RIC8B: variants seen among roughly 807,000 people sequenced by gnomAD.
RIC8B encodes the protein chaperone Ric-8B.
A neutral mutation model predicts 57.5 loss-of-function variants in RIC8B; 16 were observed. The ratio of observed to expected loss-of-function variants is 0.28; its 90% CI spans 0.19 to 0.42. The LOEUF is 0.42. Ranked by LOEUF, RIC8B falls within the 10% of genes least tolerant of loss-of-function variation. RIC8B has a pLI of 1.00. For missense variants in RIC8B, 481 were observed against 677.0 expected, an observed-to-expected ratio of 0.71 and a Z score of 3.21; for synonymous variants, 216 against 250.8, an observed-to-expected ratio of 0.86 and a Z score of 1.31.
intron 5 of RIC8B, among the ~76,000 whole-genome samples, chr12:106,843,540 G>C (rs759372077): frequency 6.6e-5 from 10 of 151,962 alleles, no homozygotes; most frequent in Admixed American, 2.0e-4. Context: ...GGCTAACATG[G>C]TGAAACCCCA....
At chr12:106,874,390 C>A in intron 9 of RIC8B, 1 of 969,638 alleles carries the variant, frequency 1.0e-6, no homozygotes, top group Non-Finnish European at 1.6e-6. Flanking sequence ...TTCTCCTGCA[C>A]CTGAATTGAA....
intron 3 of RIC8B, chr12:106,822,996 A>G: frequency 6.5e-6 from 1 of 153,642 alleles, no homozygotes; most frequent in South Asian, 2.0e-4. Context: ...GGGATTCTTA[A>G]TCTTGGCATT....
At chr12:106,782,933 A>G (rs1174268879) in intron 1 of RIC8B, among the ~76,000 whole-genome samples, 1 of 152,192 alleles carries the variant, frequency 6.6e-6, no homozygotes, top group Non-Finnish European at 1.5e-5. Context: ...TTTGTTTTTT[A>G]ATAGAAAGGC....
chr12:106,848,204 G>T (rs1949294671), intron 6 of RIC8B, among the ~76,000 whole-genome samples: 1 of 152,186 alleles, frequency 6.6e-6, no homozygotes, highest in Non-Finnish European at 1.5e-5. Context: ...AGAAGGAGAA[G>T]CAAATTCAAA....
At chr12:106,843,259 C>T (rs1949034526) in intron 5 of RIC8B, among the ~76,000 whole-genome samples, 1 of 152,124 alleles carries the variant, frequency 6.6e-6, no homozygotes, top group Non-Finnish European at 1.5e-5. Context: ...TGGTCTATCA[C>T]TCACTTTGTC....
intron 4 of RIC8B, among the ~76,000 whole-genome samples, chr12:106,826,710 G>T (rs542322601): frequency 2.6e-5 from 4 of 152,174 alleles, no homozygotes; most frequent in Admixed American, 6.5e-5. Flanking sequence ...AGCCAAGGTC[G>T]CACCGTTGCA....
At chr12:106,880,429 G>C (rs577754026) in intron 9 of RIC8B, among the ~76,000 whole-genome samples, 1 of 152,008 alleles carries the variant, frequency 6.6e-6, no homozygotes, top group Admixed American at 6.6e-5. Flanking sequence ...GGATCATCTT[G>C]TCCAACCACT....
chr12:106,786,981 A>G (rs1440860948), intron 2 of RIC8B, among the ~76,000 whole-genome samples: 1 of 152,234 alleles, frequency 6.6e-6, no homozygotes, highest in African/African-American at 2.4e-5. Flanking sequence ...AAATACAAGC[A>G]TATTAAGACA....
chr12:106,815,329 T>C (rs1397247825), intron 3 of RIC8B, 25 bp downstream of exon 3: 2 of 1,565,930 alleles, frequency 1.3e-6, no homozygotes, highest in South Asian at 2.4e-5. Context: ...GCTATTTTTG[T>C]CTACCTGGAA....
At chr12:106,824,989 G>A (rs924897519) in intron 3 of RIC8B, among the ~76,000 whole-genome samples, 4 of 152,074 alleles carry the variant, frequency 2.6e-5, no homozygotes, top group Non-Finnish European at 5.9e-5. Context: ...GCATATCCAG[G>A]CTCTCTATCA....
In RIC8B at chr12:106,774,750, A is replaced by T. The variant is rs2043356114; in HGVS notation, c.5A>T (p.Asp2Val). Reference sequence around the variant, plus strand: ...GGCTCCCCCGCACCTGCGGCCATGGATGAGGAGCGCGCCCTCTACATCGTC... The same window carrying T: ...GGCTCCCCCGCACCTGCGGCCATGGTTGAGGAGCGCGCCCTCTACATCGTC... M[D>V]EERALYIVRA... Residue 2 changes from aspartate (D) to valine (V), a missense_variant, in exon 1 of 10, where the codon GAT becomes GTT. Coordinates refer to ENST00000392837, the MANE Select transcript of RIC8B (RefSeq NM_001330145.2). 1.3e-5 allele frequency: 20 copies of T among 1,550,092 alleles called. No individual in the cohort carries two copies. The highest frequency in any genetic ancestry group is 1.7e-5 in the Non-Finnish European group (19 of 1,146,224).
Position 106,774,992 on chromosome 12 carries a change from C to A in RIC8B, c.84+163C>A, listed in dbSNP as rs1002636057. The A allele has an allele frequency of 1.5e-5, 9 of 601,738 alleles. No individual in the cohort carries two copies. The African/African-American group carries it at 1.7e-4, about 11-fold the overall frequency. 37.3% of individuals were successfully genotyped at this position (601,738 alleles called of 1,614,324 possible). The stretch of plus-strand genomic sequence containing the variant: ...GCGTGTTTGTGCCCCCAGCCTTTTC[C>A]ATCCATGCATCCTGCATCCCACTAC... On this transcript the variant is annotated intron_variant, in intron 1 of 9. Transcript: ENST00000392837.
chr12:106,821,506 A>G (rs981733750), intron 3 of RIC8B, among the ~76,000 whole-genome samples: 6 of 152,214 alleles, frequency 3.9e-5, no homozygotes, highest in Non-Finnish European at 7.3e-5. Flanking sequence ...ACCTAAATAT[A>G]CAAGGTAAAT....
intron 9 of RIC8B, among the ~76,000 whole-genome samples, chr12:106,876,247 C>G (rs929197656): frequency 6.6e-6 from 1 of 152,022 alleles, no homozygotes; most frequent in African/African-American, 2.4e-5. Context: ...AAAATACTCA[C>G]TAGATTTCAG....
chr12:106,794,678 T>G (rs2044399576), intron 2 of RIC8B, among the ~76,000 whole-genome samples: 1 of 152,168 alleles, frequency 6.6e-6, no homozygotes, highest in South Asian at 2.1e-4. Flanking sequence ...AGTAAAGCTA[T>G]TTTTTAACAC....
intron 9 of RIC8B, among the ~76,000 whole-genome samples, chr12:106,875,346 C>G (rs1355746920): frequency 2.6e-5 from 4 of 152,070 alleles, no homozygotes; most frequent in Non-Finnish European, 5.9e-5. Context: ...CTTTCCTTCC[C>G]TGACTTCGGA....
chr12:106,830,455 T>C (rs2046306784), intron 4 of RIC8B, among the ~76,000 whole-genome samples: 1 of 152,192 alleles, frequency 6.6e-6, no homozygotes, highest in Non-Finnish European at 1.5e-5. Context: ...AAGACAGATT[T>C]GTAAGTAAAT....
rs907447048 is a variant in RIC8B at position 106,847,672 on chromosome 12, AAG to A, written c.1161+3737_1161+3738del. On this transcript the variant is annotated intron_variant, in intron 6 of 9. Coordinates refer to ENST00000392837, the MANE Select transcript of RIC8B (RefSeq NM_001330145.2). The stretch of plus-strand genomic sequence containing the variant: ...ATACATGGTGGATACTTGACATAGA[AAG>A]AGAGAGAGAGAAGAAAGTCATTTGA... Among the ~76,000 whole-genome samples, 15 of 152,074 alleles carry A rather than the reference AAG, an allele frequency of 9.9e-5. 1 individual carries two copies. Among genetic ancestry groups the A allele is most frequent in the Admixed American group, 4.6e-4 (7 of 15,260 alleles).
At chr12:106,884,735 G>C (rs1951097814) in intron 9 of RIC8B, among the ~76,000 whole-genome samples, 1 of 152,098 alleles carries the variant, frequency 6.6e-6, no homozygotes, top group Non-Finnish European at 1.5e-5. Context: ...CTTATCCATT[G>C]ACCACTGAGC....
Sources: allele counts gnomAD v4.1 joint callset (sites outside exome capture counted in the v4.1 genomes callset), GRCh38; gene constraint gnomAD v4.1.1; transcripts MANE v1.5; gene names NCBI Gene and HGNC (gene_info 2026-07-23, HGNC 2026-07-21).